The following TMEM38B variants were observed in gnomAD, a reference collection of about 807,000 sequenced individuals.
The protein encoded by TMEM38B is transmembrane protein 38B.
A neutral mutation model predicts 28.7 loss-of-function variants in TMEM38B; 24 were observed. The ratio of observed to expected loss-of-function variants is 0.84; its 90% CI spans 0.61 to 1.18. The LOEUF (loss-of-function observed/expected upper bound fraction) is 1.18. TMEM38B is among the 50% of genes most tolerant of loss of function. The pLI is 0.00. For synonymous variants in TMEM38B, 131 were observed against 127.7 expected (o/e 1.03, Z -0.17); for missense variants, 380 against 350.9 (o/e 1.08, Z -0.66).
chr9:105,751,049 T>A (rs762549243), intron 5 of TMEM38B, among the ~76,000 whole-genome samples: 6 of 152,206 alleles, frequency 3.9e-5, no homozygotes, highest in Non-Finnish European at 5.9e-5. Flanking sequence ...AGCATTGTAG[T>A]TAGTTTTGAA....
intron 5 of TMEM38B, among the ~76,000 whole-genome samples, chr9:105,771,575 A>G (rs1033334538): frequency 2.0e-5 from 3 of 152,156 alleles, no homozygotes; most frequent in Admixed American, 1.3e-4. Context: ...TTGGAATTCT[A>G]TTATCTTTTA....
At chr9:105,763,306 T>G (rs1838134430) in intron 5 of TMEM38B, among the ~76,000 whole-genome samples, 1 of 152,212 alleles carries the variant, frequency 6.6e-6, no homozygotes, top group African/African-American at 2.4e-5. Flanking sequence ...CCATTGCTTT[T>G]GGTGTTTTAG....
chr9:105,748,110 A>C lies in TMEM38B; in HGVS notation c.580A>C (p.Thr194Pro), dbSNP rs771160781. 1 of 1,613,560 alleles carries C rather than the reference A, an allele frequency of 6.2e-7. No individual in the cohort carries two copies. Among genetic ancestry groups the C allele is most frequent in the Non-Finnish European group, 8.5e-7 (1 of 1,179,650 alleles). Residue 194 changes from threonine to proline, a missense_variant, in exon 5 of 6, where the codon ACA becomes CCA. Transcript: ENST00000374692. ...KVTLLGSVIF[T>P]FQHTQHLAIS... The stretch of plus-strand genomic sequence containing the variant: ...AACCCTGCTGGGGTCAGTTATCTTC[A>C]CATTCCAGCACACCCAGCATCTGGC...
intron 1 of TMEM38B, among the ~76,000 whole-genome samples, chr9:105,699,884 A>G: frequency 6.6e-6 from 1 of 152,128 alleles, no homozygotes; most frequent in East Asian, 1.9e-4. Flanking sequence ...GCATTTTATT[A>G]GGAAGTTGGA....
At chr9:105,763,813 A>G (rs1281156417) in intron 5 of TMEM38B, among the ~76,000 whole-genome samples, 1 of 151,754 alleles carries the variant, frequency 6.6e-6, no homozygotes, top group Admixed American at 6.6e-5. Context: ...CTTGATGAAC[A>G]TTGATGCAAA....
At chr9:105,747,659 T>C (rs1226945324) in intron 4 of TMEM38B, among the ~76,000 whole-genome samples, 2 of 152,204 alleles carry the variant, frequency 1.3e-5, no homozygotes, top group South Asian at 2.1e-4. Context: ...GTTCTTTTAA[T>C]TGTGATGTTA....
intron 5 of TMEM38B, among the ~76,000 whole-genome samples, chr9:105,763,741 A>G (rs1029358525): frequency 1.3e-5 from 2 of 152,168 alleles, no homozygotes; most frequent in Admixed American, 1.3e-4. Flanking sequence ...TGAGGCCAGC[A>G]TCATCCTGAT....
chr9:105,760,598 GA>G (rs1007454160), intron 5 of TMEM38B: 1 of 760,726 alleles, frequency 1.3e-6, no homozygotes, highest in South Asian at 1.5e-5. Context: ...AAGGAGAAAA[GA>G]AAAAAACTAA....
intron 2 of TMEM38B, among the ~76,000 whole-genome samples, chr9:105,716,776 A>C (rs534427274): frequency 1.2e-4 from 18 of 152,316 alleles, no homozygotes; most frequent in Admixed American, 2.6e-4. Flanking sequence ...CTTAATGAAT[A>C]ATAAATACAT....
chr9:105,717,678 G>A (rs941495715), intron 2 of TMEM38B, among the ~76,000 whole-genome samples: 5 of 152,042 alleles, frequency 3.3e-5, no homozygotes, highest in East Asian at 1.9e-4. Flanking sequence ...GCTAAGATTT[G>A]TATTCAACAT....
At chr9:105,719,791 T>C (rs1836256525) in intron 2 of TMEM38B, among the ~76,000 whole-genome samples, 1 of 152,128 alleles carries the variant, frequency 6.6e-6, no homozygotes, top group South Asian at 2.1e-4. Flanking sequence ...GTGTAAGGAA[T>C]GAAAATGGGT....
intron 4 of TMEM38B, among the ~76,000 whole-genome samples, chr9:105,723,330 TC>T (rs1293663077): frequency 6.6e-6 from 1 of 152,164 alleles, no homozygotes; most frequent in African/African-American, 2.4e-5. Context: ...CAAGTAATCC[TC>T]CCACTTCAGC....
At chr9:105,734,139 T>C (rs544983479) in intron 4 of TMEM38B, among the ~76,000 whole-genome samples, 21 of 152,188 alleles carry the variant, frequency 1.4e-4, no homozygotes, top group Non-Finnish European at 2.6e-4. Flanking sequence ...GTATATCTTA[T>C]TTCCATTGTC....
chr9:105,768,124 G>A (rs1419718691), intron 5 of TMEM38B, among the ~76,000 whole-genome samples: 3 of 152,060 alleles, frequency 2.0e-5, no homozygotes, highest in Non-Finnish European at 4.4e-5. Context: ...TTTGCTGAAA[G>A]TGTTTATCAT....
At chr9:105,765,552 A>G (rs1175053343) in intron 5 of TMEM38B, among the ~76,000 whole-genome samples, 1 of 152,140 alleles carries the variant, frequency 6.6e-6, no homozygotes, top group Admixed American at 6.5e-5. Context: ...ACTTTATATC[A>G]CTACAGATTA....
At chr9:105,752,540 A>G (rs941555807) in intron 5 of TMEM38B, among the ~76,000 whole-genome samples, 5 of 152,342 alleles carry the variant, frequency 3.3e-5, no homozygotes, top group Admixed American at 2.0e-4. Context: ...AAACCAAGGT[A>G]ACAAGGGTCT....
intron 5 of TMEM38B, among the ~76,000 whole-genome samples, chr9:105,765,185 G>A (rs1378854794): frequency 1.3e-5 from 2 of 152,166 alleles, no homozygotes; most frequent in Non-Finnish European, 2.9e-5. Flanking sequence ...TTTGTAAAAT[G>A]TGGATTATTT....
chr9:105,706,950 G>A (rs1835693224), intron 2 of TMEM38B, among the ~76,000 whole-genome samples: 1 of 152,054 alleles, frequency 6.6e-6, no homozygotes, highest in Non-Finnish European at 1.5e-5. Flanking sequence ...CTAATTTTCT[G>A]TATATTTAGT....
At chr9:105,731,575 T>C (rs951920354) in intron 4 of TMEM38B, among the ~76,000 whole-genome samples, 3 of 152,090 alleles carry the variant, frequency 2.0e-5, no homozygotes, top group African/African-American at 7.2e-5. Flanking sequence ...TCTGTCCTTG[T>C]GATAGTTTGC....
Sources: allele counts gnomAD v4.1 joint callset (sites outside exome capture counted in the v4.1 genomes callset), GRCh38; gene constraint gnomAD v4.1.1; transcripts MANE v1.5; gene names NCBI Gene and HGNC (gene_info 2026-07-23, HGNC 2026-07-21).